NDUFAB1: variants seen among roughly 807,000 people sequenced by gnomAD.
The protein encoded by NDUFAB1 is acyl carrier protein, mitochondrial.
A neutral mutation model predicts 16.1 loss-of-function variants in NDUFAB1; 5 were observed. That is an observed-to-expected ratio of 0.31 (90% CI 0.16 to 0.65). The LOEUF is 0.65. NDUFAB1 is among the 30% of genes least tolerant of loss of function. The probability of loss-of-function intolerance (pLI) is 0.77; values close to 1 mark genes in which losing one functional copy is unlikely to be tolerated. For synonymous variants in NDUFAB1, 85 were observed against 78.4 expected (o/e 1.08, Z -0.44); for missense variants, 187 against 205.3 (o/e 0.91, Z 0.54).
At chr16:23,583,356 C>G (rs774864539) in intron 3 of NDUFAB1, among the ~76,000 whole-genome samples, 6 of 151,394 alleles carry the variant, frequency 4.0e-5, no homozygotes, top group Non-Finnish European at 7.4e-5. Flanking sequence ...GGCCACCCAT[C>G]GTCTGAGATG....
intron 3 of NDUFAB1, among the ~76,000 whole-genome samples, chr16:23,583,541 C>T (rs919963464): frequency 9.3e-5 from 14 of 151,180 alleles, no homozygotes; most frequent in Admixed American, 2.0e-4. Flanking sequence ...TCTGCCCGGC[C>T]GCGACCCCAT....
intron 3 of NDUFAB1, among the ~76,000 whole-genome samples, chr16:23,582,747 TCCCACGGTCTCCCTCTCCCTCTCCCTCTC>T (rs1966191826): frequency 1.5e-5 from 2 of 136,556 alleles, no homozygotes; most frequent in Non-Finnish European, 1.6e-5. Flanking sequence ...CTCTCCCTCT[TCCCACGGTCTCCCTCTCCCTCTCCCTCTC>T]CCCAAGGTCT....
intron 3 of NDUFAB1, 84 bp from the exon 4 acceptor site, chr16:23,582,459 G>A: frequency 1.5e-6 from 2 of 1,376,166 alleles, no homozygotes; most frequent in Non-Finnish European, 1.9e-6. Flanking sequence ...TTCTACAACA[G>A]CTACAAGTAT....
At chr16:23,582,061 G>C (rs560512391) in intron 4 of NDUFAB1, 1 of 408,246 alleles carries the variant, frequency 2.4e-6, no homozygotes, top group African/African-American at 2.1e-5. Context: ...TGACAATCAA[G>C]GGAGTTCTAT....
intron 3 of NDUFAB1, among the ~76,000 whole-genome samples, chr16:23,584,255 T>TTAAAAAA (rs1491184220): frequency 5.9e-5 from 2 of 34,050 alleles, no homozygotes; most frequent in Admixed American, 2.7e-4. Context: ...AATGATCAAT[T>TTAAAAAA]AAAAAAAAAA....
intron 4 of NDUFAB1, chr16:23,581,966 G>A (rs144051380): frequency 0.017 from 2,925 of 172,930 alleles, 55 homozygotes; most frequent in Non-Finnish European, 0.023. Context: ...GCTTACCTTG[G>A]CTGAGTAATT....
At chr16:23,594,076 T>C (rs902300713) in intron 1 of NDUFAB1, among the ~76,000 whole-genome samples, 1 of 151,352 alleles carries the variant, frequency 6.6e-6, no homozygotes, top group African/African-American at 2.4e-5. Context: ...AGAGACGGGG[T>C]TTCACCGTGT....
intron 1 of NDUFAB1, among the ~76,000 whole-genome samples, chr16:23,589,157 G>A (rs940506315): frequency 2.0e-5 from 3 of 152,036 alleles, no homozygotes; most frequent in Non-Finnish European, 4.4e-5. Flanking sequence ...TTAGCTGGGC[G>A]TGGTAACATG....
chr16:23,588,291 C>T (rs796213771), intron 1 of NDUFAB1, among the ~76,000 whole-genome samples: 2 of 151,916 alleles, frequency 1.3e-5, no homozygotes, highest in African/African-American at 4.8e-5. Flanking sequence ...CCCGTCTCTA[C>T]TAAAAATACA....
intron 1 of NDUFAB1, among the ~76,000 whole-genome samples, chr16:23,593,848 CCTTATTTA>C (rs1966298999): frequency 6.8e-6 from 1 of 146,932 alleles, no homozygotes; most frequent in East Asian, 2.0e-4. Flanking sequence ...CCTTTTTAAC[CCTTATTTA>C]TTTATTTATT....
At chr16:23,593,998 A>T (rs1255072905) in intron 1 of NDUFAB1, among the ~76,000 whole-genome samples, 8 of 151,832 alleles carry the variant, frequency 5.3e-5, no homozygotes, top group African/African-American at 1.9e-4. Flanking sequence ...CTCCTGCCTC[A>T]GCCTCCCGAG....
chr16:23,593,895 T>TATTTATTC (rs1268961536), intron 1 of NDUFAB1, among the ~76,000 whole-genome samples: 5 of 139,722 alleles, frequency 3.6e-5, no homozygotes, highest in African/African-American at 1.3e-4. Flanking sequence ...TTTATTTATT[T>TATTTATTC]ATTGAGATGG....
intron 3 of NDUFAB1, 134 bp from the exon 4 acceptor site, chr16:23,582,509 G>A: frequency 8.3e-7 from 1 of 1,211,572 alleles, no homozygotes. Context: ...TATAGGTTGT[G>A]GGCCAGTTAG....
chr16:23,587,368 C>T, intron 1 of NDUFAB1, 49 bp from the exon 2 acceptor site: 1 of 1,604,166 alleles, frequency 6.2e-7, no homozygotes, highest in African/African-American at 1.3e-5. Flanking sequence ...GAAAATACCT[C>T]TAAATCAATG....
At chr16:23,587,654 A>T (rs1966245375) in intron 1 of NDUFAB1, among the ~76,000 whole-genome samples, 1 of 152,234 alleles carries the variant, frequency 6.6e-6, no homozygotes, top group Non-Finnish European at 1.5e-5. Context: ...GTGTCTTCTC[A>T]TGGCATCTTC....
At chr16:23,587,078 TG>T in intron 2 of NDUFAB1, 118 bp downstream of exon 2, 1 of 956,822 alleles carries the variant, frequency 1.0e-6, no homozygotes, top group Non-Finnish European at 1.6e-6. Flanking sequence ...TCTCCCAGAA[TG>T]GGCCTGGGTG....
chr16:23,582,381 A>ATTCGTCTTCCATGGCCAT lies in NDUFAB1; in HGVS notation c.380-7_380-6insATGGCCATGGAAGACGAA. The ATTCGTCTTCCATGGCCAT allele has an allele frequency of 6.4e-7, 1 of 1,557,504 alleles. No individual in the cohort carries two copies. The highest frequency in any genetic ancestry group is 1.2e-5 in the South Asian group (1 of 82,178). ...TATATCAGGAATTTCAAACCCTAAA[A>ATTCGTCTTCCATGGCCAT]GAAAAATATACAACAATGTGAGAGA... On this transcript the variant is annotated splice_region_variant and splice_polypyrimidine_tract_variant and intron_variant, in intron 3 of 4. Coordinates refer to ENST00000007516, the MANE Select transcript of NDUFAB1 (RefSeq NM_005003.3).
intron 4 of NDUFAB1, among the ~76,000 whole-genome samples, 191 bp from the exon 5 acceptor site, chr16:23,581,364 G>A (rs1342748662): frequency 1.3e-5 from 2 of 152,054 alleles, no homozygotes; most frequent in Admixed American, 6.6e-5. Context: ...TGGCCAACAT[G>A]GTGAAACCCC....
intron 1 of NDUFAB1, among the ~76,000 whole-genome samples, chr16:23,591,571 C>A (rs569669987): frequency 6.6e-6 from 1 of 152,212 alleles, no homozygotes; most frequent in Non-Finnish European, 1.5e-5. Context: ...GTTCCTTCTC[C>A]GCCACCTGGG....
Sources: allele counts gnomAD v4.1 joint callset (sites outside exome capture counted in the v4.1 genomes callset), GRCh38; gene constraint gnomAD v4.1.1; transcripts MANE v1.5; gene names NCBI Gene and HGNC (gene_info 2026-07-23, HGNC 2026-07-21).